CCDC192: variants seen among roughly 807,000 people sequenced by gnomAD.
CCDC192 encodes coiled-coil domain containing 192, also known as coiled-coil domain-containing protein 192.
chr5:127,861,857 A>C (rs1045375080), intron 5 of CCDC192, among the ~76,000 whole-genome samples: 17 of 152,164 alleles, frequency 1.1e-4, no homozygotes, highest in Non-Finnish European at 2.5e-4. Context: ...GGAGTTAGGA[A>C]AAGGACTTAG....
At chr5:127,893,222 A>G (rs1285658471) in intron 6 of CCDC192, among the ~76,000 whole-genome samples, 1 of 152,202 alleles carries the variant, frequency 6.6e-6, no homozygotes, top group African/African-American at 2.4e-5. Flanking sequence ...TGAACAGAAT[A>G]TGGATTTGGA....
chr5:127,776,706 C>T (rs564391126), intron 3 of CCDC192, among the ~76,000 whole-genome samples: 1 of 152,320 alleles, frequency 6.6e-6, no homozygotes, highest in East Asian at 1.9e-4. Flanking sequence ...GGTCCCTCTG[C>T]TGTATGCAGT....
Position 127,881,645 on chromosome 5 carries a change from C to T in CCDC192, c.535+5984C>T, listed in dbSNP as rs373421198. Among the ~76,000 whole-genome samples the T allele has an allele frequency of 1.5e-3, 232 of 152,280 alleles. 1 individual carries two copies. The highest frequency in any genetic ancestry group is 5.3e-3 in the African/African-American group (220 of 41,552). On this transcript the variant is annotated intron_variant, in intron 6 of 6. Coordinates refer to ENST00000514853, the MANE Select transcript of CCDC192 (RefSeq NM_001317938.2). ...TTTCATTGGCAGTGTGCTTAAATTA[C>T]CTCCAAGGAAATAAACGATTTAAGT...
intron 6 of CCDC192, among the ~76,000 whole-genome samples, chr5:127,919,716 G>A (rs540687168): frequency 1.2e-4 from 19 of 152,194 alleles, no homozygotes; most frequent in African/African-American, 3.1e-4. Flanking sequence ...CTTTTCCAAA[G>A]CATCCTCTCC....
chr5:127,869,990 G>T (rs1388041252), intron 5 of CCDC192, among the ~76,000 whole-genome samples: 4 of 152,146 alleles, frequency 2.6e-5, no homozygotes. Flanking sequence ...CTGGGTCAAG[G>T]TTAGGGTGAT....
Position 127,769,933 on chromosome 5 carries a change from A to G in CCDC192, c.222+15558A>G, listed in dbSNP as rs141008496. On this transcript the variant is annotated intron_variant, in intron 3 of 6. Transcript: ENST00000514853. ...TCCATAGTGAGAGAAAGATATAGAG[A>G]TAGAGATAAAAACGGAAAGAGGGAG... Among the ~76,000 whole-genome samples, 729 of 152,250 alleles carry G rather than the reference A, an allele frequency of 4.8e-3. 3 individuals carry two copies. Among genetic ancestry groups the G allele is most frequent in the Middle Eastern group, 0.027 (8 of 294 alleles).
chr5:127,833,707 GA>G (rs1360132048), intron 5 of CCDC192, among the ~76,000 whole-genome samples: 1 of 152,062 alleles, frequency 6.6e-6, no homozygotes, highest in Non-Finnish European at 1.5e-5. Context: ...CCTATGAATA[GA>G]AAACCTATAT....
intron 5 of CCDC192, chr5:127,838,692 G>A (rs796816747): frequency 5.3e-5 from 8 of 152,242 alleles, no homozygotes; most frequent in African/African-American, 1.9e-4. Flanking sequence ...ACTGAGAAGA[G>A]GTGAAAAAGA....
intron 5 of CCDC192, among the ~76,000 whole-genome samples, chr5:127,805,436 G>A (rs1051657984): frequency 3.9e-5 from 6 of 152,162 alleles, no homozygotes; most frequent in African/African-American, 1.4e-4. Flanking sequence ...CAGTATTTTT[G>A]CTGCATATAT....
At chr5:127,739,871 A>T (rs1157938349) in intron 2 of CCDC192, 2 of 153,292 alleles carry the variant, frequency 1.3e-5, no homozygotes, top group Non-Finnish European at 2.9e-5. Flanking sequence ...TCAGATGGAA[A>T]TGCAGAAATC....
intron 3 of CCDC192, 97 bp downstream of exon 3, chr5:127,754,472 T>G: frequency 3.1e-6 from 1 of 326,788 alleles, no homozygotes. Context: ...CCTCTACTGA[T>G]ACACACACAC....
chr5:127,912,806 T>C (rs1039471418), intron 6 of CCDC192, among the ~76,000 whole-genome samples: 10 of 152,244 alleles, frequency 6.6e-5, no homozygotes, highest in African/African-American at 2.2e-4. Context: ...AAACTTCCTA[T>C]GGCTTGCTGT....
intron 3 of CCDC192, among the ~76,000 whole-genome samples, chr5:127,787,405 T>C (rs1439033849): frequency 6.6e-6 from 1 of 152,202 alleles, no homozygotes; most frequent in African/African-American, 2.4e-5. Flanking sequence ...CGCCACCTCG[T>C]CCCATAAGTT....
chr5:127,712,427 T>C (rs73343096), intron 2 of CCDC192, among the ~76,000 whole-genome samples: 31 of 152,314 alleles, frequency 2.0e-4, no homozygotes, highest in African/African-American at 6.7e-4. Flanking sequence ...GACACCTGCC[T>C]GTGTTGTCTC....
At chr5:127,852,860 C>T (rs1285562845) in intron 5 of CCDC192, among the ~76,000 whole-genome samples, 6 of 151,974 alleles carry the variant, frequency 3.9e-5, no homozygotes, top group African/African-American at 7.3e-5. Context: ...TCTGGGAGGC[C>T]GAGGCGGGCA....
chr5:127,898,701 C>T (rs183487154), intron 6 of CCDC192, among the ~76,000 whole-genome samples: 18 of 152,038 alleles, frequency 1.2e-4, no homozygotes, highest in African/African-American at 4.4e-4. Context: ...CCAGGGAGCC[C>T]GTTCCCATCC....
intron 6 of CCDC192, among the ~76,000 whole-genome samples, chr5:127,918,403 G>A (rs1220103192): frequency 6.6e-6 from 1 of 152,072 alleles, no homozygotes; most frequent in Non-Finnish European, 1.5e-5. Flanking sequence ...AACCATGTTA[G>A]CATGAGCAAC....
intron 3 of CCDC192, among the ~76,000 whole-genome samples, chr5:127,778,934 T>G (rs1756028995): frequency 6.6e-6 from 1 of 152,136 alleles, no homozygotes; most frequent in Non-Finnish European, 1.5e-5. Context: ...CTTATAATCC[T>G]TTTATTTCTG....
At chr5:127,819,354 CTG>C (rs1226598299) in intron 5 of CCDC192, among the ~76,000 whole-genome samples, 2 of 152,164 alleles carry the variant, frequency 1.3e-5, no homozygotes, top group Non-Finnish European at 2.9e-5. Flanking sequence ...GTTCCTGACT[CTG>C]TATTCTTACT....
Sources: allele counts gnomAD v4.1 joint callset (sites outside exome capture counted in the v4.1 genomes callset), GRCh38; gene constraint gnomAD v4.1.1; transcripts MANE v1.5; gene names NCBI Gene and HGNC (gene_info 2026-07-23, HGNC 2026-07-21).